RERE: variants seen among roughly 807,000 people sequenced by gnomAD.
RERE encodes the protein arginine-glutamic acid dipeptide repeats protein.
A neutral mutation model predicts 146.1 loss-of-function variants in RERE; 40 were observed. The observed-to-expected ratio is 0.27, with a 90% CI of 0.21 to 0.36. RERE has a LOEUF of 0.36. Among genes scored for constraint, RERE ranks in the 10% least tolerant of loss-of-function variants. The probability of loss-of-function intolerance (pLI) is 1.00; values close to 1 mark genes in which losing one functional copy is unlikely to be tolerated. For synonymous variants in RERE, 1,003 were observed against 866.0 expected, an observed-to-expected ratio of 1.16 and a Z score of -2.78; for missense variants, 1,933 against 2,138.7, an observed-to-expected ratio of 0.90 and a Z score of 1.90.
chr1:8,509,426 ATCCATCCATCCG>A (rs915227124), intron 7 of RERE, among the ~76,000 whole-genome samples: 30 of 85,932 alleles, frequency 3.5e-4, no homozygotes, highest in South Asian at 8.8e-4. Flanking sequence ...CCATCCATCC[ATCCATCCATCCG>A]TCCGTCCGTC....
chr1:8,545,608 A>G (rs6577497), intron 6 of RERE, among the ~76,000 whole-genome samples: 1 of 151,614 alleles, frequency 6.6e-6, no homozygotes, highest in Non-Finnish European at 1.5e-5. Flanking sequence ...GTTGAAAGCT[A>G]TTATTATCAT....
At chr1:8,523,115 A>T (rs2124346347) in intron 7 of RERE, among the ~76,000 whole-genome samples, 1 of 151,708 alleles carries the variant, frequency 6.6e-6, no homozygotes, top group Admixed American at 6.6e-5. Context: ...GGAGGTCCCC[A>T]GGGAGGTCAA....
At chr1:8,690,891 T>TTTTA (rs1024061329) in intron 1 of RERE, among the ~76,000 whole-genome samples, 28 of 152,010 alleles carry the variant, frequency 1.8e-4, no homozygotes, top group South Asian at 4.1e-4. Context: ...TATTTTTTAT[T>TTTTA]TTTATTTATT....
chr1:8,458,092 T>C (rs908506373), intron 11 of RERE, among the ~76,000 whole-genome samples: 4 of 152,218 alleles, frequency 2.6e-5, no homozygotes, highest in African/African-American at 9.7e-5. Context: ...ATACGTAGAA[T>C]GTTCTAAGCA....
intron 1 of RERE, among the ~76,000 whole-genome samples, chr1:8,728,782 T>G (rs1037643808): frequency 6.6e-6 from 1 of 152,232 alleles, no homozygotes; most frequent in Non-Finnish European, 1.5e-5. Context: ...AACGATGGCA[T>G]CCTTTGGGGC....
At chr1:8,371,386 C>T (rs1642029771) in intron 12 of RERE, among the ~76,000 whole-genome samples, 1 of 152,122 alleles carries the variant, frequency 6.6e-6, no homozygotes, top group South Asian at 2.1e-4. Flanking sequence ...CATTAGGTTC[C>T]TTTAATTTCC....
intron 2 of RERE, among the ~76,000 whole-genome samples, chr1:8,631,507 G>T (rs144998132): frequency 6.6e-6 from 1 of 152,150 alleles, no homozygotes; most frequent in Non-Finnish European, 1.5e-5. Context: ...ACAAACTTGC[G>T]AACTCTGTGG....
chr1:8,729,411 G>GA (rs1392036283), intron 1 of RERE, among the ~76,000 whole-genome samples: 1 of 93,256 alleles, frequency 1.1e-5, no homozygotes, highest in Non-Finnish European at 2.4e-5. Context: ...TTTTAGTAGA[G>GA]ACGGGGTTTC....
At chr1:8,789,758 A>T (rs1641331189) in intron 1 of RERE, among the ~76,000 whole-genome samples, 1 of 152,116 alleles carries the variant, frequency 6.6e-6, no homozygotes, top group Non-Finnish European at 1.5e-5. Flanking sequence ...CGCATACCAT[A>T]TGCATTCCTG....
chr1:8,507,903 C>T (rs2124296040), intron 8 of RERE, among the ~76,000 whole-genome samples: 1 of 151,132 alleles, frequency 6.6e-6, no homozygotes, highest in African/African-American at 2.4e-5. Flanking sequence ...CCACGCCCGG[C>T]TAATTTTTGT....
At chr1:8,382,182 T>A (rs1557600892) in intron 12 of RERE, among the ~76,000 whole-genome samples, 1 of 152,272 alleles carries the variant, frequency 6.6e-6, no homozygotes, top group South Asian at 2.1e-4. Context: ...GGATTATGCC[T>A]GCAAGCTAGC....
chr1:8,409,999 T>A (rs1015451146), intron 12 of RERE, among the ~76,000 whole-genome samples: 12 of 116,772 alleles, frequency 1.0e-4, no homozygotes, highest in South Asian at 3.0e-4. Flanking sequence ...TTTTTTTTTT[T>A]ACTAAATCCG....
intron 1 of RERE, among the ~76,000 whole-genome samples, chr1:8,800,834 A>C (rs1004270595): frequency 6.6e-6 from 1 of 152,128 alleles, no homozygotes; most frequent in Non-Finnish European, 1.5e-5. Flanking sequence ...GTGTGGTGGC[A>C]CACGCCTGTA....
At chr1:8,655,786 A>T (rs2124332086) in intron 2 of RERE, among the ~76,000 whole-genome samples, 187 bp downstream of exon 2, 1 of 152,316 alleles carries the variant, frequency 6.6e-6, no homozygotes, top group African/African-American at 2.4e-5. Context: ...AAATTAAGGC[A>T]GACACAAGCA....
chr1:8,615,613 G>A (rs772389927), intron 3 of RERE, among the ~76,000 whole-genome samples: 2 of 152,098 alleles, frequency 1.3e-5, no homozygotes, highest in African/African-American at 2.4e-5. Context: ...CTGTCTTACG[G>A]TTGTCTAAAA....
At chr1:8,775,574 AT>A (rs1425197695) in intron 1 of RERE, among the ~76,000 whole-genome samples, 1 of 152,218 alleles carries the variant, frequency 6.6e-6, no homozygotes, top group Non-Finnish European at 1.5e-5. Context: ...ACACAGTAAG[AT>A]CTTGCCTTTA....
intron 2 of RERE, among the ~76,000 whole-genome samples, chr1:8,655,110 A>G (rs535294848): frequency 6.6e-6 from 1 of 152,198 alleles, no homozygotes; most frequent in East Asian, 1.9e-4. Context: ...AAAACCAAGC[A>G]GGTTAGATGA....
chr1:8,561,229 C>T (rs1646074495), intron 4 of RERE, among the ~76,000 whole-genome samples: 2 of 152,178 alleles, frequency 1.3e-5, no homozygotes, highest in African/African-American at 4.8e-5. Context: ...CAGTACTATG[C>T]AATAACCAGG....
chr1:8,448,453 G>A (rs1644350092), intron 11 of RERE, among the ~76,000 whole-genome samples: 1 of 152,022 alleles, frequency 6.6e-6, no homozygotes, highest in Non-Finnish European at 1.5e-5. Flanking sequence ...GTGAGGGAAG[G>A]GAATAAAAAG....
Sources: gnomAD v4.1 joint callset for allele counts (sites outside exome capture counted in the v4.1 genomes callset) on GRCh38, gnomAD v4.1.1 for gene constraint, MANE v1.5 for transcripts, NCBI Gene and HGNC (gene_info 2026-07-23, HGNC 2026-07-21) for gene names.